Variants in OLFM3 observed in about 807,000 individuals in gnomAD.
OLFM3 encodes the protein olfactomedin 3.
A neutral mutation model predicts 48.6 loss-of-function variants in OLFM3; 20 were observed. That is an observed-to-expected ratio of 0.41 (90% CI 0.29 to 0.60). The LOEUF (loss-of-function observed/expected upper bound fraction) is 0.60. Ranked by LOEUF, OLFM3 falls within the 20% of genes least tolerant of loss-of-function variation. The pLI is 0.28. For missense variants in OLFM3, 437 were observed against 544.3 expected (o/e 0.80, Z 1.96); for synonymous variants, 222 against 198.1 (o/e 1.12, Z -1.01).
intron 1 of OLFM3, among the ~76,000 whole-genome samples, chr1:101,953,461 C>T (rs930955833): frequency 2.0e-5 from 3 of 152,160 alleles, no homozygotes; most frequent in Admixed American, 1.3e-4. Context: ...TGGCACTTTA[C>T]AGCACAATTT....
chr1:101,834,618 C>G (rs1300652083), intron 2 of OLFM3, among the ~76,000 whole-genome samples: 1 of 152,170 alleles, frequency 6.6e-6, no homozygotes, highest in African/African-American at 2.4e-5. Flanking sequence ...CTTCAGGCCA[C>G]TGTAAAAGAG....
chr1:101,990,763 T>C (rs185742089), intron 1 of OLFM3, among the ~76,000 whole-genome samples: 2,427 of 151,524 alleles, frequency 0.016, 58 homozygotes, highest in African/African-American at 0.056. Flanking sequence ...AGGCGGCAGA[T>C]CACGAGGTCA....
chr1:101,958,222 T>TGTTTTTATTAGCTTGAAA (rs1660356899), intron 1 of OLFM3, among the ~76,000 whole-genome samples: 2 of 152,152 alleles, frequency 1.3e-5, no homozygotes, highest in Non-Finnish European at 2.9e-5. Flanking sequence ...TTGTGTCCAC[T>TGTTTTTATTAGCTTGAAA]GTTTTTATTA....
chr1:101,935,572 C>T (rs1277838883), intron 1 of OLFM3, among the ~76,000 whole-genome samples: 1 of 152,078 alleles, frequency 6.6e-6, no homozygotes, highest in Non-Finnish European at 1.5e-5. Context: ...ACCATTCCTA[C>T]TAAAACTATT....
chr1:101,810,628 G>A (rs533330063), intron 4 of OLFM3, among the ~76,000 whole-genome samples: 1 of 151,858 alleles, frequency 6.6e-6, no homozygotes, highest in Non-Finnish European at 1.5e-5. Context: ...TTGGGACCAG[G>A]AAGTAGATGA....
chr1:101,869,568 C>A (rs796909096), intron 1 of OLFM3, among the ~76,000 whole-genome samples: 16 of 152,100 alleles, frequency 1.1e-4, no homozygotes, highest in African/African-American at 3.1e-4. Context: ...TTGGGGGAAC[C>A]ATTGGGAAGG....
chr1:101,910,524 T>C (rs1318409462), intron 1 of OLFM3, among the ~76,000 whole-genome samples: 2 of 148,308 alleles, frequency 1.3e-5, no homozygotes, highest in African/African-American at 2.5e-5. Context: ...GACTAAAGAG[T>C]ATAAATTCAG....
intron 1 of OLFM3, among the ~76,000 whole-genome samples, chr1:101,974,691 C>T (rs549585305): frequency 6.6e-6 from 1 of 152,220 alleles, no homozygotes; most frequent in Admixed American, 6.5e-5. Context: ...AACCCTACAA[C>T]CAACTGATGC....
chr1:101,845,611 A>G (rs1655957154), intron 1 of OLFM3, among the ~76,000 whole-genome samples: 1 of 152,170 alleles, frequency 6.6e-6, no homozygotes, highest in South Asian at 2.1e-4. Context: ...GTAATTGTTT[A>G]TTGATGTCTA....
intron 1 of OLFM3, among the ~76,000 whole-genome samples, chr1:101,915,688 G>T (rs1404738523): frequency 6.6e-6 from 1 of 152,098 alleles, no homozygotes; most frequent in African/African-American, 2.4e-5. Flanking sequence ...ATGGTTTCAC[G>T]TCCTATCGCT....
chr1:101,981,868 A>G (rs1057114692), intron 1 of OLFM3, among the ~76,000 whole-genome samples: 1 of 152,338 alleles, frequency 6.6e-6, no homozygotes, highest in East Asian at 1.9e-4. Context: ...GAATGAGTAA[A>G]ATAATGAAAG....
At chr1:101,825,301 T>C in intron 3 of OLFM3, 56 bp from the exon 4 acceptor site, 1 of 1,323,684 alleles carries the variant, frequency 7.6e-7, no homozygotes, top group Non-Finnish European at 1.1e-6. Context: ...CATGCTGCTC[T>C]GTTCTTTTTA....
intron 1 of OLFM3, among the ~76,000 whole-genome samples, chr1:101,952,345 CAG>C (rs1290232044): frequency 1.3e-5 from 2 of 152,048 alleles, no homozygotes; most frequent in Non-Finnish European, 2.9e-5. Flanking sequence ...TTTTAAAGCT[CAG>C]AGTTATTTAA....
intron 1 of OLFM3, among the ~76,000 whole-genome samples, chr1:101,895,205 ACT>A (rs1398750866): frequency 3.3e-5 from 5 of 152,128 alleles, no homozygotes; most frequent in Non-Finnish European, 7.4e-5. Context: ...CAGTTTTACC[ACT>A]GTTTTGGACT....
intron 1 of OLFM3, among the ~76,000 whole-genome samples, chr1:101,995,801 A>C (rs1018559776): frequency 6.6e-6 from 1 of 152,220 alleles, no homozygotes; most frequent in African/African-American, 2.4e-5. Context: ...CTATATTGTC[A>C]AATTGCTGTT....
intron 3 of OLFM3, among the ~76,000 whole-genome samples, chr1:101,826,331 T>G (rs1209092961): frequency 2.0e-5 from 3 of 152,114 alleles, no homozygotes; most frequent in Non-Finnish European, 4.4e-5. Context: ...AAATATTTCT[T>G]TATTTATTTC....
At position 101,983,532 on chromosome 1, in the gene OLFM3, T is replaced by C. The variant is rs139593587; in HGVS notation, c.69+13216A>G. Among the ~76,000 whole-genome samples the C allele has an allele frequency of 3.4e-3, 516 of 152,326 alleles. 4 individuals carry two copies. Among genetic ancestry groups the C allele is most frequent in the Non-Finnish European group, 5.7e-3 (385 of 68,024 alleles). ...AGAAACTGTATCTTTATAAACATGT[T>C]TTATGTCCAACTCCTAAACTAGTGC... is the stretch of plus-strand genomic sequence containing the variant. On this transcript the variant is annotated intron_variant, in intron 1 of 5. Coordinates refer to ENST00000370103, the MANE Select transcript of OLFM3 (RefSeq NM_058170.4).
intron 4 of OLFM3, among the ~76,000 whole-genome samples, chr1:101,822,821 T>A (rs893963986): frequency 3.3e-5 from 5 of 150,084 alleles, no homozygotes; most frequent in Admixed American, 2.0e-4. Flanking sequence ...ATGTAAGCAA[T>A]GTTTACCTAT....
At chr1:101,941,558 C>G (rs1441927870) in intron 1 of OLFM3, among the ~76,000 whole-genome samples, 2 of 152,056 alleles carry the variant, frequency 1.3e-5, no homozygotes, top group Non-Finnish European at 2.9e-5. Context: ...TTCTGTTACC[C>G]TACTTAGTTA....
Sources: gnomAD v4.1 joint callset for allele counts (sites outside exome capture counted in the v4.1 genomes callset) on GRCh38, gnomAD v4.1.1 for gene constraint, MANE v1.5 for transcripts, NCBI Gene and HGNC (gene_info 2026-07-23, HGNC 2026-07-21) for gene names.